The following PCSK7 variants were observed in gnomAD, a reference collection of about 807,000 sequenced individuals.
PCSK7 encodes lymphoma proprotein convertase.
A neutral mutation model predicts 73.3 loss-of-function variants in PCSK7; 38 were observed. The observed-to-expected ratio is 0.52, with a 90% CI of 0.40 to 0.68. The LOEUF is 0.68. Ranked by LOEUF, PCSK7 falls within the 30% of genes least tolerant of loss-of-function variation. PCSK7 has a pLI of 0.00. For synonymous variants in PCSK7, 296 were observed against 383.8 expected (o/e 0.77, Z 2.68); for missense variants, 692 against 991.5 (o/e 0.70, Z 4.06).
At chr11:117,219,251 G>A in intron 10 of PCSK7, 87 bp from the exon 11 acceptor site, 1 of 965,808 alleles carries the variant, frequency 1.0e-6, no homozygotes, top group Non-Finnish European at 1.6e-6. Flanking sequence ...TGCCCTGCTG[G>A]CTGATCCAGT....
intron 12 of PCSK7, chr11:117,216,248 C>G (rs1591795337): frequency 2.6e-5 from 4 of 152,130 alleles, no homozygotes. Flanking sequence ...GACAATGCTA[C>G]TCTAGAGTCT....
Position 117,205,411 on chromosome 11 carries a change from G to C in PCSK7, c.*586C>G. ...CCCTAGTGAAGCAGCTCAGGCCTGG[G>C]GGAGCCGTGTGTATCCCAGCTGTGC... On this transcript the variant is annotated 3_prime_UTR_variant, in exon 17 of 17. Coordinates refer to ENST00000320934, the MANE Select transcript of PCSK7 (RefSeq NM_004716.4). 4.3e-6 allele frequency: 1 copy of C among 233,748 alleles called. No individual in the cohort carries two copies. Among genetic ancestry groups the C allele is most frequent in the Non-Finnish European group, 8.5e-6 (1 of 118,126 alleles). The allele number at this position is 233,748 out of a possible 1,614,324, so 14.5% of individuals were successfully genotyped here. A position where few individuals can be genotyped will look rare whatever the true frequency, so the allele number is the denominator to read the frequency against.
Position 117,205,661 on chromosome 11 carries a change from A to C in PCSK7, c.*336T>G, listed in dbSNP as rs914135875. 14 of 271,750 alleles carry C rather than the reference A, an allele frequency of 5.2e-5. No individual in the cohort carries two copies. Among genetic ancestry groups the C allele is most frequent in the Non-Finnish European group, 9.0e-5 (13 of 144,964 alleles). 16.8% of individuals were successfully genotyped at this position (271,750 alleles called of 1,614,324 possible). A position where few individuals can be genotyped will look rare whatever the true frequency, so the allele number is the denominator to read the frequency against. On this transcript the variant is annotated 3_prime_UTR_variant, in exon 17 of 17. Coordinates refer to ENST00000320934, the MANE Select transcript of PCSK7 (RefSeq NM_004716.4). The stretch of plus-strand genomic sequence containing the variant: ...GCTATGGCAGGCACCTTCTCAACTT[A>C]TATGTGGGAAGGGGTCCCCCATGCT...
In PCSK7 at chr11:117,218,527, G is replaced by C. The variant is rs370459238; in HGVS notation, c.1473C>G (p.Pro491=). 6.2e-7 allele frequency: 1 copy of C among 1,610,244 alleles called. No homozygotes were observed. Among genetic ancestry groups the C allele is most frequent in the Non-Finnish European group, 8.5e-7 (1 of 1,178,004 alleles). The change falls in exon 12 of 17, where the codon CCC becomes CCG. Residue 491 remains proline (P), a synonymous_variant. Transcript: ENST00000320934. The surrounding 1 kb of genome is among the most constrained non-coding windows in gnomAD (Gnocchi z 4.0). ...SVPYLASYVS[P]VLKENKAIPQ... ...GAATCGCCTTGTTTTCTTTTAACACGGGACTGACGTAGGATGCTAAGTAAG... is the reference window on the plus strand; with the variant it reads ...GAATCGCCTTGTTTTCTTTTAACACCGGACTGACGTAGGATGCTAAGTAAG...
In PCSK7 at chr11:117,219,152, G is replaced by A. The variant is rs1237420846; in HGVS notation, c.1336C>T (p.Arg446Cys). ...VFTATRYEDR[R>C]AEWVTNEAGF... Reference sequence around the variant, plus strand: ...GCCTCGTTGGTGACCCACTCTGCACGGCGATCCTCATACTGAAAGGACAGA... The same window carrying A: ...GCCTCGTTGGTGACCCACTCTGCACAGCGATCCTCATACTGAAAGGACAGA... Residue 446 changes from arginine to cysteine, a missense_variant, in exon 11 of 17, where the codon CGT becomes TGT. Physicochemically the swap from Arg to Cys is radical, Grantham distance 180. Transcript: ENST00000320934. 2.5e-6 allele frequency: 4 copies of A among 1,608,784 alleles called. No individual in the cohort carries two copies. Among genetic ancestry groups the A allele is most frequent in the East Asian group, 2.2e-5 (1 of 44,840 alleles).
rs904701355 is a variant in PCSK7 at position 117,218,446 on chromosome 11, C to G, written c.1534+20G>C. On this transcript the variant is annotated intron_variant, in intron 12 of 16. Transcript: ENST00000320934. The surrounding 1 kb of genome is among the most constrained non-coding windows in gnomAD (Gnocchi z 4.0). ...CAAACCTCAGGCCTAAGATTAACCC[C>G]CTTTGTGCTGATTACTTACCATTCC... is the stretch of plus-strand genomic sequence containing the variant. The G allele has an allele frequency of 1.4e-6, 2 of 1,428,720 alleles. No individual in the cohort carries two copies. The highest frequency in any genetic ancestry group is 2.4e-5 in the East Asian group (1 of 42,462). 88.5% of individuals were successfully genotyped at this position (1,428,720 alleles called of 1,614,324 possible). A position where few individuals can be genotyped will look rare whatever the true frequency, so the allele number is the denominator to read the frequency against.
At chr11:117,228,445 C>T (rs1591807262) in intron 3 of PCSK7, 95 bp from the exon 4 acceptor site, 1 of 1,101,480 alleles carries the variant, frequency 9.1e-7, no homozygotes, top group Admixed American at 1.9e-5. Context: ...CCTTGGCCTC[C>T]ACCAAAGAGC....
Position 117,223,281 on chromosome 11 carries a change from G to T in PCSK7, c.1082C>A (p.Pro361His), listed in dbSNP as rs866221595. 1.2e-6 allele frequency: 2 copies of T among 1,612,524 alleles called. No individual in the cohort carries two copies. Among genetic ancestry groups the T allele is most frequent in the Admixed American group, 3.3e-5 (2 of 60,014 alleles). Residue 361 changes from proline (P) to histidine (H), a missense_variant, in exon 9 of 17, where the codon CCT (proline) becomes CAT (histidine). By Grantham distance (77) the Pro-to-His change is moderately conservative. Around this residue, in one of 6 missense-constraint regions of PCSK7, gnomAD observed 574 missense variants for 689.8 expected, o/e 0.83. Transcript: ENST00000320934. Reference sequence around the variant, plus strand: ...GGAGGCACATTCTTCTGCATAGAAAGGCATGCGTCCCTCCTCATCCACAGC... The same window carrying T: ...GGAGGCACATTCTTCTGCATAGAAATGCATGCGTCCCTCCTCATCCACAGC... ...IGAVDEEGRMPFYAEECASML... is the reference protein window; with the variant it reads ...IGAVDEEGRMHFYAEECASML...
intron 5 of PCSK7, chr11:117,226,398 A>G: frequency 4.0e-6 from 1 of 249,284 alleles, no homozygotes; most frequent in Non-Finnish European, 8.1e-6. Flanking sequence ...GGCCTCCCAA[A>G]GTGCTGGGAT....
intron 12 of PCSK7, chr11:117,211,884 G>A (rs1025599705): frequency 1.9e-4 from 29 of 152,318 alleles, no homozygotes; most frequent in African/African-American, 7.0e-4. Flanking sequence ...GCCAGTAACA[G>A]TACCTACTTC....
At chr11:117,228,003 G>A (rs1344504717) in intron 4 of PCSK7, among the ~76,000 whole-genome samples, 7 of 152,194 alleles carry the variant, frequency 4.6e-5, no homozygotes, top group Non-Finnish European at 7.4e-5. Flanking sequence ...CCTCAGAAAA[G>A]GACTAGAACT....
In PCSK7 at chr11:117,219,749, C is replaced by T; in HGVS notation, c.1165G>A (p.Asp389Asn). The T allele has an allele frequency of 6.4e-7, 1 of 1,574,798 alleles. No individual in the cohort carries two copies. Among genetic ancestry groups the T allele is most frequent in the Non-Finnish European group, 8.6e-7 (1 of 1,161,778 alleles). ...CCAGTGCCCTTCTGAAGGTCCCAGT[C>T]AGTGGTCACCTGGAAGTGAAACAGG... is the stretch of plus-strand genomic sequence containing the variant. The part of the protein sequence containing the change: ...DKMLRSIVTT[D>N]WDLQKGTGCT... Residue 389 changes from aspartate (D) to asparagine (N), a missense_variant, in exon 10 of 17, where the codon GAC (aspartate) becomes AAC (asparagine). Physicochemically the swap from Asp to Asn is conservative, Grantham distance 23. Coordinates refer to ENST00000320934, the MANE Select transcript of PCSK7 (RefSeq NM_004716.4).
intron 12 of PCSK7, chr11:117,210,365 T>C (rs1393767966): frequency 6.6e-6 from 1 of 150,920 alleles, no homozygotes; most frequent in Non-Finnish European, 1.5e-5. Context: ...CGATTCTTTT[T>C]TTTTTTTTTT....
intron 5 of PCSK7, chr11:117,226,733 C>G (rs1406563615): frequency 6.0e-6 from 1 of 166,034 alleles, no homozygotes; most frequent in African/African-American, 2.4e-5. Context: ...CCTTGATGGA[C>G]AGACGTTGAG....
chr11:117,206,025 G>A lies in PCSK7; in HGVS notation c.2330C>T (p.Pro777Leu), dbSNP rs201598301. The change falls in exon 17 of 17, where the codon CCG becomes CTG. Residue 777 changes from proline to leucine, a missense_variant. By Grantham distance (98) the Pro-to-Leu change is moderately conservative. Around this residue, in one of 6 missense-constraint regions of PCSK7, gnomAD observed 10 missense variants for 44.0 expected, o/e 0.23. Transcript: ENST00000320934. ...GCAGATCTGCTCCTCCTTCCCGTGC[G>A]GTACGTCTAGGTGCTGATGAGGGCA... is the stretch of plus-strand genomic sequence containing the variant. ...LDCPHQHLDV[P>L]HGKEEQIC 0.027 allele frequency: 33,071 copies of A among 1,222,646 alleles called. 621 individuals are homozygous for A. Among genetic ancestry groups the A allele is most frequent in the South Asian group, 0.081 (5,510 of 68,398 alleles). 75.7% of individuals were successfully genotyped at this position (1,222,646 alleles called of 1,614,324 possible).
At chr11:117,226,782 G>A (rs759207058) in intron 5 of PCSK7, 16 of 190,776 alleles carry the variant, frequency 8.4e-5, no homozygotes, top group Non-Finnish European at 1.3e-4. Flanking sequence ...GGAGGAATAG[G>A]GCTGCTCAGC....
chr11:117,223,447 C>T (rs1193300070), intron 8 of PCSK7, 139 bp from the exon 9 acceptor site: 2 of 647,208 alleles, frequency 3.1e-6, no homozygotes, highest in Non-Finnish European at 5.6e-6. Flanking sequence ...GCCCACGTCC[C>T]TCAGAGCAGT....
At chr11:117,213,112 C>A (rs533078407) in intron 12 of PCSK7, 5 of 152,304 alleles carry the variant, frequency 3.3e-5, no homozygotes, top group African/African-American at 1.2e-4. Flanking sequence ...TGTTGCAGTG[C>A]CTATAACACT....
intron 12 of PCSK7, chr11:117,215,410 T>C (rs991146065): frequency 2.5e-5 from 2 of 79,988 alleles, no homozygotes; most frequent in African/African-American, 1.4e-4. Flanking sequence ...ATATATACTT[T>C]TTTTTTTTGA....
Sources: gnomAD v4.1 joint callset for allele counts (sites outside exome capture counted in the v4.1 genomes callset) on GRCh38, gnomAD v4.1.1 for gene constraint, gnomAD v4.1.1 regional missense constraint, Gnocchi (gnomAD v3.1) non-coding constraint, MANE v1.5 for transcripts, NCBI Gene and HGNC (gene_info 2026-07-23, HGNC 2026-07-21) for gene names.